UST: variants seen among roughly 807,000 people sequenced by gnomAD.
UST encodes chondroitin sulfate 2-O-sulfotransferase.
A neutral mutation model predicts 45.6 loss-of-function variants in UST; 21 were observed. The observed-to-expected ratio is 0.46, with a 90% CI of 0.33 to 0.66. UST has a LOEUF of 0.66. Ranked by LOEUF, UST falls within the 30% of genes least tolerant of loss-of-function variation. The pLI is 0.02. For synonymous variants in UST, 215 were observed against 200.6 expected, an observed-to-expected ratio of 1.07 and a Z score of -0.61; for missense variants, 463 against 512.4, an observed-to-expected ratio of 0.90 and a Z score of 0.93.
intron 1 of UST, among the ~76,000 whole-genome samples, chr6:148,779,542 C>T (rs1196939590): frequency 1.3e-5 from 2 of 152,174 alleles, no homozygotes; most frequent in East Asian, 1.9e-4. Flanking sequence ...GCCTCTGTTG[C>T]TCCCACCACG....
chr6:149,065,511 T>C (rs754378700), intron 7 of UST, among the ~76,000 whole-genome samples: 1 of 152,216 alleles, frequency 6.6e-6, no homozygotes. Context: ...GATAGTTTTC[T>C]ACAGGCTCAT....
At position 148,775,694 on chromosome 6, in the gene UST, C is replaced by T. The variant is rs183363230; in HGVS notation, c.247+28017C>T. Among the ~76,000 whole-genome samples the T allele has an allele frequency of 2.0e-3, 310 of 151,930 alleles. 2 individuals are homozygous for T. The highest frequency in any genetic ancestry group is 7.2e-3 in the African/African-American group (298 of 41,412). On this transcript the variant is annotated intron_variant, in intron 1 of 7. Transcript: ENST00000367463. The stretch of plus-strand genomic sequence containing the variant: ...CCAGGCTGGAGTGCAGTGGCACGAT[C>T]TTGGCTCACTGCAACCTCTGCTTCC...
At position 148,762,652 on chromosome 6, in the gene UST, T is replaced by C. The variant is rs373169483; in HGVS notation, c.247+14975T>C. Among the ~76,000 whole-genome samples, 36 of 152,190 alleles carry C rather than the reference T, an allele frequency of 2.4e-4. No individual in the cohort carries two copies. The South Asian group carries it at 7.1e-3, about 30-fold the overall frequency. ...TACCCATTACCCAAATAGTGAACAC[T>C]GTACACAAAAGGTAATTTTTCAATC... On this transcript the variant is annotated intron_variant, in intron 1 of 7. Coordinates refer to ENST00000367463, the MANE Select transcript of UST (RefSeq NM_005715.3).
chr6:149,011,196 G>A (rs1775804915), intron 5 of UST, among the ~76,000 whole-genome samples: 1 of 152,160 alleles, frequency 6.6e-6, no homozygotes, highest in African/African-American at 2.4e-5. Context: ...TATGTTAAAT[G>A]AAATAAGTCA....
At chr6:148,949,597 G>T (rs912360344) in intron 3 of UST, among the ~76,000 whole-genome samples, 1 of 151,870 alleles carries the variant, frequency 6.6e-6, no homozygotes, top group African/African-American at 2.4e-5. Flanking sequence ...TGAACATATG[G>T]GTCTGTCTCA....
chr6:148,754,696 T>C (rs1024111962), intron 1 of UST, among the ~76,000 whole-genome samples: 1 of 152,336 alleles, frequency 6.6e-6, no homozygotes, highest in South Asian at 2.1e-4. Context: ...TGCTATTAAT[T>C]TGGGGGTTGG....
chr6:148,856,861 T>C (rs1778214653), intron 1 of UST, among the ~76,000 whole-genome samples: 1 of 151,992 alleles, frequency 6.6e-6, no homozygotes, highest in Non-Finnish European at 1.5e-5. Context: ...TCCTCCTTTT[T>C]TGAGGAGGAA....
intron 4 of UST, chr6:148,955,615 G>C (rs569264451): frequency 5.3e-5 from 8 of 152,216 alleles, no homozygotes; most frequent in African/African-American, 1.7e-4. Context: ...ATTCCAGAAG[G>C]CCACATGCAT....
chr6:148,867,153 C>T (rs1778452685), intron 1 of UST, among the ~76,000 whole-genome samples: 1 of 152,136 alleles, frequency 6.6e-6, no homozygotes, highest in African/African-American at 2.4e-5. Context: ...GCCTGCTAGT[C>T]ACAGTAGAGA....
At chr6:148,831,874 G>A (rs1377567315) in intron 1 of UST, among the ~76,000 whole-genome samples, 1 of 152,070 alleles carries the variant, frequency 6.6e-6, no homozygotes, top group Non-Finnish European at 1.5e-5. Context: ...TCATATATAG[G>A]GCTAGTAAGT....
chr6:148,747,613 C>T lies in UST; in HGVS notation c.183C>T (p.Gly61=). 6.2e-7 allele frequency: 1 copy of T among 1,602,756 alleles called. No homozygotes were observed. The highest frequency in any genetic ancestry group is 8.5e-7 in the Non-Finnish European group (1 of 1,175,948). ...CMATLLVFCL[G]SLLYQLSGGP... ...CCACCCTGCTGGTCTTCTGCCTGGGCTCCCTCCTCTATCAGCTCAGCGGGG... is the reference window on the plus strand; with the variant it reads ...CCACCCTGCTGGTCTTCTGCCTGGGTTCCCTCCTCTATCAGCTCAGCGGGG... Residue 61 remains glycine (G), a synonymous_variant, in exon 1 of 8, where the codon GGC becomes GGT. Transcript: ENST00000367463.
At chr6:148,853,938 C>A (rs1303546424) in intron 1 of UST, among the ~76,000 whole-genome samples, 1 of 152,200 alleles carries the variant, frequency 6.6e-6, no homozygotes, top group Non-Finnish European at 1.5e-5. Context: ...TTTAGATTTC[C>A]AGTCCTCCAG....
chr6:148,823,995 T>C (rs1777519010), intron 1 of UST, among the ~76,000 whole-genome samples: 1 of 152,182 alleles, frequency 6.6e-6, no homozygotes, highest in Non-Finnish European at 1.5e-5. Context: ...CTTTGACTGA[T>C]ACAAGGAGAT....
At chr6:148,926,797 A>G (rs371542958) in intron 2 of UST, among the ~76,000 whole-genome samples, 2 of 152,152 alleles carry the variant, frequency 1.3e-5, no homozygotes, top group African/African-American at 2.4e-5. Context: ...TAGGGTGACT[A>G]TTTTTAGCTG....
intron 7 of UST, among the ~76,000 whole-genome samples, chr6:149,064,635 ACT>A: frequency 6.6e-6 from 1 of 152,230 alleles, no homozygotes; most frequent in South Asian, 2.1e-4. Context: ...AGAAGCACTT[ACT>A]CTCTAGGTTT....
chr6:148,845,850 T>C (rs1208955896), intron 1 of UST, among the ~76,000 whole-genome samples: 1 of 152,062 alleles, frequency 6.6e-6, no homozygotes, highest in Non-Finnish European at 1.5e-5. Flanking sequence ...GAAAAAATGC[T>C]CATCATCACT....
At chr6:149,010,828 G>T (rs768790645) in intron 5 of UST, among the ~76,000 whole-genome samples, 20 of 145,366 alleles carry the variant, frequency 1.4e-4, no homozygotes, top group Admixed American at 8.4e-4. Flanking sequence ...GGAGGCAGAG[G>T]TTGCAGTGAG....
intron 1 of UST, among the ~76,000 whole-genome samples, chr6:148,885,091 G>A (rs759167331): frequency 2.6e-5 from 4 of 152,252 alleles, no homozygotes; most frequent in South Asian, 4.2e-4. Flanking sequence ...GTAGGTACCC[G>A]AGCCTGGAGT....
Position 148,747,358 on chromosome 6 carries a change from G to A in UST, c.-73G>A. 1.5e-6 allele frequency: 2 copies of A among 1,359,990 alleles called. No homozygotes were observed. The highest frequency in any genetic ancestry group is 1.9e-6 in the Non-Finnish European group (2 of 1,051,968). The allele number at this position is 1,359,990 out of a possible 1,614,324, so 84.2% of individuals were successfully genotyped here. A position where few individuals can be genotyped will look rare whatever the true frequency, so the allele number is the denominator to read the frequency against. On this transcript the variant is annotated 5_prime_UTR_variant, in exon 1 of 8. Coordinates refer to ENST00000367463, the MANE Select transcript of UST (RefSeq NM_005715.3). ...CTCCCCATGTGCAGCCGGCCAGCCG[G>A]GCTCTCCTCCTCGCGGCGGATGGGT...
Sources: gnomAD v4.1 joint callset for allele counts (sites outside exome capture counted in the v4.1 genomes callset) on GRCh38, gnomAD v4.1.1 for gene constraint, MANE v1.5 for transcripts, NCBI Gene and HGNC (gene_info 2026-07-23, HGNC 2026-07-21) for gene names.